The following TNRC18 variants were observed in gnomAD, a reference collection of about 807,000 sequenced individuals.
The protein encoded by TNRC18 is trinucleotide repeat-containing gene 18 protein.
A neutral mutation model predicts 226.7 loss-of-function variants in TNRC18; 69 were observed. The observed-to-expected ratio is 0.30, with a 90% confidence interval of 0.25 to 0.37. The LOEUF (loss-of-function observed/expected upper bound fraction) is 0.37, where lower values mean the gene tolerates loss of function less well. TNRC18 is among the 10% of genes least tolerant of loss of function. TNRC18 has a pLI of 1.00. For missense variants in TNRC18, 4,754 were observed against 4,256.6 expected, an observed-to-expected ratio of 1.12 and a Z score of -3.25; for synonymous variants, 2,449 against 1,927.6, an observed-to-expected ratio of 1.27 and a Z score of -7.09.
chr7:5,365,156 C>A (rs1041580238), intron 11 of TNRC18, among the ~76,000 whole-genome samples: 1 of 152,166 alleles, frequency 6.6e-6, no homozygotes, highest in Non-Finnish European at 1.5e-5. Context: ...CTCTGTCCCC[C>A]ACCCTGGCTG....
chr7:5,395,101 C>G (rs887141065), intron 2 of TNRC18, among the ~76,000 whole-genome samples: 2 of 152,198 alleles, frequency 1.3e-5, no homozygotes, highest in African/African-American at 4.8e-5. Context: ...GCAGCCCTAG[C>G]CAGCCCCGTG....
chr7:5,351,776 C>A (rs560617448), intron 17 of TNRC18, 43 bp downstream of exon 17: 2 of 1,522,236 alleles, frequency 1.3e-6, no homozygotes, highest in East Asian at 2.3e-5. Context: ...CGCACTCTCT[C>A]GCTAGGAAAC....
At chr7:5,412,775 T>TGATAGAA (rs1781927709) in intron 2 of TNRC18, among the ~76,000 whole-genome samples, 1 of 152,140 alleles carries the variant, frequency 6.6e-6, no homozygotes, top group Admixed American at 6.5e-5. Flanking sequence ...GGAGCAGTGT[T>TGATAGAA]CTATCTGGGG....
At chr7:5,385,541 G>A (rs1043261965) in intron 5 of TNRC18, among the ~76,000 whole-genome samples, 10 of 151,256 alleles carry the variant, frequency 6.6e-5, no homozygotes, top group East Asian at 1.9e-4. Flanking sequence ...AAAATTAGCC[G>A]GGCATGGTGG....
intron 16 of TNRC18, among the ~76,000 whole-genome samples, chr7:5,353,968 C>T (rs1268702784): frequency 6.6e-6 from 1 of 151,876 alleles, no homozygotes; most frequent in Admixed American, 6.6e-5. Flanking sequence ...TTTGGGAGGC[C>T]GAGGCAGGCG....
Position 5,357,123 on chromosome 7 carries a change from C to T in TNRC18, c.4987G>A (p.Gly1663Ser). The change falls in exon 16 of 30, where the codon GGC becomes AGC. Residue 1663 changes from glycine to serine, a missense_variant. By Grantham distance (56) the Gly-to-Ser change is moderately conservative. Coordinates refer to ENST00000430969, the MANE Select transcript of TNRC18 (RefSeq NM_001080495.3). ...GGKSKTSGGC[G>S]RYLTPYDSLL... is the part of the protein sequence containing the mutation. ...CTGTCGTAAGGAGTCAAGTACCTGCCGCAGCCCCCGCTAGTTTTCGATTTC... is the reference window on the plus strand; with the variant it reads ...CTGTCGTAAGGAGTCAAGTACCTGCTGCAGCCCCCGCTAGTTTTCGATTTC... 6.4e-7 allele frequency: 1 copy of T among 1,555,406 alleles called. No homozygotes were observed. The highest frequency in any genetic ancestry group is 1.2e-5 in the South Asian group (1 of 84,296).
chr7:5,357,261 T>G lies in TNRC18; in HGVS notation c.4849A>C (p.Lys1617Gln). The G allele has an allele frequency of 6.2e-7, 1 of 1,610,548 alleles. No homozygotes were observed. Among genetic ancestry groups the G allele is most frequent in the East Asian group, 2.2e-5 (1 of 44,834 alleles). ...TGCTCCTGGTCGCTGGCCATCTTCT[T>G]CTTCTTAATCTTTAGCTGGAGAGGG... ...DFISQLKIKK[K>Q]KMASDQEQLA... Residue 1617 changes from lysine (K) to glutamine (Q), a missense_variant, in exon 16 of 30, where the codon AAG becomes CAG. Coordinates refer to ENST00000430969, the MANE Select transcript of TNRC18 (RefSeq NM_001080495.3).
In TNRC18 at chr7:5,390,739, C is replaced by A. The variant is rs1780233210; in HGVS notation, c.344-111G>T. 3.8e-6 allele frequency: 5 copies of A among 1,313,314 alleles called. No individual in the cohort carries two copies. The East Asian group carries it at 1.3e-4, about 34-fold the overall frequency. The allele number at this position is 1,313,314 out of a possible 1,614,324, so 81.4% of individuals were successfully genotyped here. ...TTGGCAGCCGACCGCTGGTACAGGG[C>A]GCCTTGAGGTTTAACAGCAGCTCCT... On this transcript the variant is annotated intron_variant, in intron 3 of 29. Coordinates refer to ENST00000430969, the MANE Select transcript of TNRC18 (RefSeq NM_001080495.3).
At chr7:5,308,822 G>T (rs563268089) in intron 29 of TNRC18, 53 bp downstream of exon 29, 3 of 1,535,800 alleles carry the variant, frequency 2.0e-6, no homozygotes, top group East Asian at 2.4e-5. Context: ...TGAGCTGCCC[G>T]GAAGGAAGCA....
At chr7:5,422,407 C>G (rs557224658) in intron 1 of TNRC18, among the ~76,000 whole-genome samples, 1 of 151,872 alleles carries the variant, frequency 6.6e-6, no homozygotes, top group Admixed American at 6.6e-5. Context: ...GCGCCTCCCC[C>G]ACCTTTGGGT....
In TNRC18 at chr7:5,313,623, G is replaced by A. The variant is rs1472153888; in HGVS notation, c.7268C>T (p.Ala2423Val). The part of the protein sequence containing the change: ...AELPAPATSL[A>V]PAPLITMPAT... ...AGGCATGGTGATGAGGGGTGCTGGG[G>A]CCAGGGAGGTGGCAGGAGCTGGCAG... Residue 2423 changes from alanine (A) to valine (V), a missense_variant, in exon 27 of 30, where the codon GCC becomes GTC. Ala to Val is a moderately conservative substitution (Grantham distance 64). Transcript: ENST00000430969. 1 of 1,603,846 alleles carries A rather than the reference G, an allele frequency of 6.2e-7. No individual in the cohort carries two copies. Among genetic ancestry groups the A allele is most frequent in the South Asian group, 1.1e-5 (1 of 90,046 alleles).
intron 2 of TNRC18, among the ~76,000 whole-genome samples, chr7:5,406,793 G>A (rs959241203): frequency 6.6e-6 from 1 of 151,264 alleles, no homozygotes. Context: ...AGAGGTTGCA[G>A]TGAGCCGAGA....
intron 2 of TNRC18, among the ~76,000 whole-genome samples, chr7:5,406,859 A>AAAAAG (rs567227337): frequency 1.3e-5 from 2 of 151,824 alleles, no homozygotes; most frequent in African/African-American, 4.8e-5. Context: ...TCAAAAAAAA[A>AAAAAG]AAAGAAAGAA....
At chr7:5,402,306 G>A (rs929345497) in intron 2 of TNRC18, among the ~76,000 whole-genome samples, 1 of 151,912 alleles carries the variant, frequency 6.6e-6, no homozygotes, top group Non-Finnish European at 1.5e-5. Flanking sequence ...GGCCAAGGCA[G>A]GCAGATCACT....
Position 5,371,092 on chromosome 7 carries a change from C to T in TNRC18, c.3502G>A (p.Gly1168Ser), listed in dbSNP as rs547629981. Reference sequence around the variant, plus strand: ...TCCAGAGGCGGCAGCTCTGTGGGGCCCTCGTCCATGTCCTCCACCTCTGCC... The same window carrying T: ...TCCAGAGGCGGCAGCTCTGTGGGGCTCTCGTCCATGTCCTCCACCTCTGCC... ...VKAEVEDMDE[G>S]PTELPPLESP... Residue 1168 changes from glycine to serine, a missense_variant, in exon 11 of 30, where the codon GGC becomes AGC. Transcript: ENST00000430969. The T allele has an allele frequency of 3.7e-6, 6 of 1,612,190 alleles. No individual in the cohort carries two copies. The highest frequency in any genetic ancestry group is 5.1e-6 in the Non-Finnish European group (6 of 1,179,688).
At chr7:5,374,783 A>G (rs1794489213) in intron 9 of TNRC18, among the ~76,000 whole-genome samples, 1 of 152,120 alleles carries the variant, frequency 6.6e-6, no homozygotes, top group South Asian at 2.1e-4. Context: ...CCCTGCACGG[A>G]CCCTCACAGT....
Position 5,335,307 on chromosome 7 carries a change from A to AT in TNRC18, c.5720-2259_5720-2258insA, listed in dbSNP as rs1287255848. Among the ~76,000 whole-genome samples the AT allele has an allele frequency of 4.8e-3, 696 of 144,116 alleles. 15 individuals are homozygous for AT. Among genetic ancestry groups the AT allele is most frequent in the African/African-American group, 0.017 (658 of 38,758 alleles). The allele number at this position is 144,116 out of a possible 152,430, so 94.5% of individuals were successfully genotyped here. A position where few individuals can be genotyped will look rare whatever the true frequency, so the allele number is the denominator to read the frequency against. ...ACAGAGTGAGAATCTGTCTCAAAAA[A>AT]AAAAAAAAAAAAAAAAATTTGGCCA... On this transcript the variant is annotated intron_variant, in intron 18 of 29. Transcript: ENST00000430969.
At chr7:5,344,425 C>A (rs1189830720) in intron 18 of TNRC18, among the ~76,000 whole-genome samples, 1 of 152,098 alleles carries the variant, frequency 6.6e-6, no homozygotes, top group Non-Finnish European at 1.5e-5. Flanking sequence ...CTTTCCAGGA[C>A]TGCCAGGCCT....
chr7:5,354,469 T>C (rs1208726061), intron 16 of TNRC18, among the ~76,000 whole-genome samples: 1 of 151,468 alleles, frequency 6.6e-6, no homozygotes, highest in South Asian at 2.1e-4. Flanking sequence ...CCCTTCACTT[T>C]TCCAAAATGA....
Sources: gnomAD v4.1 joint callset for allele counts (sites outside exome capture counted in the v4.1 genomes callset) on GRCh38, gnomAD v4.1.1 for gene constraint, MANE v1.5 for transcripts, NCBI Gene and HGNC (gene_info 2026-07-23, HGNC 2026-07-21) for gene names.